The following GALNT3 variants were observed in gnomAD, a reference collection of about 807,000 sequenced individuals.
GALNT3 encodes GalNAc transferase 3.
GALNT3 carries 51 observed loss-of-function variants against 69.8 expected under a neutral mutation model. The ratio of observed to expected loss-of-function variants is 0.73; its 90% confidence interval spans 0.58 to 0.92. The LOEUF is 0.92. Ranked by LOEUF, GALNT3 falls within the 40% of genes least tolerant of loss-of-function variation. GALNT3 has a pLI of 0.00. For missense variants in GALNT3, 711 were observed against 760.0 expected, an observed-to-expected ratio of 0.94 and a Z score of 0.76; for synonymous variants, 265 against 248.5, an observed-to-expected ratio of 1.07 and a Z score of -0.63.
At position 165,770,278 on chromosome 2, in the gene GALNT3, C is replaced by T. The variant is rs745575585; in HGVS notation, c.423G>A (p.Lys141=). Residue 141 remains lysine, a synonymous_variant, in exon 2 of 11, where the codon AAG becomes AAA. Coordinates refer to ENST00000392701, the MANE Select transcript of GALNT3 (RefSeq NM_004482.4). ...AGCAGTGTTTAGCTTCCCCACGTTC[C>T]TTTTCCTTTTGCTCTTCAACACTTA... ...TNLSVEEQKE[K]ERGEAKHCFN... The T allele has an allele frequency of 1.2e-6, 2 of 1,614,142 alleles. No individual in the cohort carries two copies. Among genetic ancestry groups the T allele is most frequent in the East Asian group, 4.5e-5 (2 of 44,878 alleles).
chr2:165,791,775 A>G (rs942537601), intron 1 of GALNT3, among the ~76,000 whole-genome samples: 2 of 152,218 alleles, frequency 1.3e-5, no homozygotes, highest in African/African-American at 4.8e-5. Flanking sequence ...AATACCAAGA[A>G]GGAACTAAAA....
At chr2:165,768,631 A>T (rs1688690589) in intron 2 of GALNT3, among the ~76,000 whole-genome samples, 1 of 152,180 alleles carries the variant, frequency 6.6e-6, no homozygotes, top group Non-Finnish European at 1.5e-5. Context: ...GGACTCATAT[A>T]CTTGGATCCA....
intron 3 of GALNT3, among the ~76,000 whole-genome samples, chr2:165,762,403 T>C (rs1168118592): frequency 1.3e-5 from 2 of 151,982 alleles, no homozygotes; most frequent in Non-Finnish European, 2.9e-5. Flanking sequence ...ACTACAAGAG[T>C]GAAAGATATG....
intron 9 of GALNT3, 113 bp from the exon 10 acceptor site, chr2:165,750,007 A>G (rs1460591548): frequency 2.1e-6 from 2 of 945,286 alleles, no homozygotes; most frequent in Non-Finnish European, 3.4e-6. Flanking sequence ...TTTCAACAAA[A>G]TAATACAATA....
rs112704936 is a variant in GALNT3, at chr2:165,748,777, A to G, written c.*4T>C. ...TCCTTTTTCAACTTAATTTTAAGGAACACTTAATCATTTTGGCTAAGTATC... is the reference window on the plus strand; with the variant it reads ...TCCTTTTTCAACTTAATTTTAAGGAGCACTTAATCATTTTGGCTAAGTATC... On this transcript the variant is annotated 3_prime_UTR_variant, in exon 11 of 11. Transcript: ENST00000392701. 1 of 1,607,976 alleles carries G rather than the reference A, an allele frequency of 6.2e-7. No homozygotes were observed. Among genetic ancestry groups the G allele is most frequent in the Non-Finnish European group, 8.5e-7 (1 of 1,176,372 alleles).
At chr2:165,754,584 T>C in intron 9 of GALNT3, 43 bp downstream of exon 9, 3 of 1,386,448 alleles carry the variant, frequency 2.2e-6, no homozygotes, top group Non-Finnish European at 3.1e-6. Context: ...CACTTGTGCT[T>C]GTAAATGCTT....
At chr2:165,778,606 G>T (rs1471901580) in intron 1 of GALNT3, among the ~76,000 whole-genome samples, 1 of 152,076 alleles carries the variant, frequency 6.6e-6, no homozygotes, top group Non-Finnish European at 1.5e-5. Flanking sequence ...CTCTCACCAG[G>T]GCTGAGATCC....
At position 165,770,622 on chromosome 2, in the gene GALNT3, T is replaced by C. The variant is rs754721015; in HGVS notation, c.79A>G (p.Ile27Val). 2 of 1,601,998 alleles carry C rather than the reference T, an allele frequency of 1.2e-6. No individual in the cohort carries two copies. The highest frequency in any genetic ancestry group is 1.7e-6 in the Non-Finnish European group (2 of 1,175,848). ...HKKFWKLGAV[I>V]FFFIIVLVLM... The stretch of plus-strand genomic sequence containing the variant: ...ACCAAAACTATTATAAAGAAAAAAA[T>C]TACTGCACCAAGCTTCCAGAACTTT... Residue 27 changes from isoleucine (I) to valine (V), a missense_variant, in exon 2 of 11, where the codon ATT (isoleucine) becomes GTT (valine). Ile to Val is a conservative substitution (Grantham distance 29). Coordinates refer to ENST00000392701, the MANE Select transcript of GALNT3 (RefSeq NM_004482.4).
intron 9 of GALNT3, among the ~76,000 whole-genome samples, chr2:165,751,204 A>G (rs1041563573): frequency 4.9e-4 from 74 of 152,210 alleles, no homozygotes; most frequent in African/African-American, 1.6e-3. Flanking sequence ...AATTAGTAGG[A>G]GCACTAATAT....
chr2:165,770,098 T>TA, intron 2 of GALNT3, 88 bp downstream of exon 2: 3 of 1,500,566 alleles, frequency 2.0e-6, no homozygotes, highest in Non-Finnish European at 2.8e-6. Flanking sequence ...TTAGAGTAGC[T>TA]AAAAAACAGA....
intron 1 of GALNT3, among the ~76,000 whole-genome samples, chr2:165,783,447 A>G (rs1198087427): frequency 1.3e-5 from 2 of 152,168 alleles, no homozygotes; most frequent in Non-Finnish European, 2.9e-5. Context: ...TGCTTGCTCA[A>G]TTGTTATCAT....
In GALNT3 at chr2:165,770,398, A is replaced by G; in HGVS notation, c.303T>C (p.Tyr101=). The part of the protein sequence containing the change: ...DAGERPCLQG[Y]YTAAELKPVL... ...CAGGCTTCAATTCTGCTGCTGTATAATATCCTTGCAAACAAGGTCTCTCAC... is the reference window on the plus strand; with the variant it reads ...CAGGCTTCAATTCTGCTGCTGTATAGTATCCTTGCAAACAAGGTCTCTCAC... Residue 101 remains tyrosine (Y), a synonymous_variant, in exon 2 of 11, where the codon TAT becomes TAC. Transcript: ENST00000392701. 2 of 1,614,180 alleles carry G rather than the reference A, an allele frequency of 1.2e-6. No homozygotes were observed. The highest frequency in any genetic ancestry group is 1.7e-6 in the Non-Finnish European group (2 of 1,180,024).
At chr2:165,763,464 G>C (rs1214712707) in intron 3 of GALNT3, among the ~76,000 whole-genome samples, 3 of 152,108 alleles carry the variant, frequency 2.0e-5, no homozygotes, top group Admixed American at 6.5e-5. Flanking sequence ...CAGAGTAATA[G>C]ATTAACTTTT....
chr2:165,780,849 C>T (rs1683090955), intron 1 of GALNT3, among the ~76,000 whole-genome samples: 1 of 152,088 alleles, frequency 6.6e-6, no homozygotes, highest in African/African-American at 2.4e-5. Context: ...ACTATTTCCA[C>T]TCAATGATAT....
chr2:165,782,905 C>T (rs1683142271), intron 1 of GALNT3, among the ~76,000 whole-genome samples: 1 of 152,090 alleles, frequency 6.6e-6, no homozygotes, highest in Non-Finnish European at 1.5e-5. Flanking sequence ...TAGAGATTTT[C>T]CTATTATATA....
Position 165,756,902 on chromosome 2 carries a change from C to T in GALNT3, c.1392+145G>A. ...TTAGTTTTTTTCTTAAAAAAGGAAA[C>T]TTGGATTCATAAGTCATGTACTTTA... On this transcript the variant is annotated intron_variant, in intron 7 of 10. Coordinates refer to ENST00000392701, the MANE Select transcript of GALNT3 (RefSeq NM_004482.4). 6.4e-6 allele frequency: 4 copies of T among 624,718 alleles called. No individual in the cohort carries two copies. The South Asian group carries it at 8.2e-5, about 13-fold the overall frequency. The allele number at this position is 624,718 out of a possible 1,614,324, so 38.7% of individuals were successfully genotyped here. A position where few individuals can be genotyped will look rare whatever the true frequency, so the allele number is the denominator to read the frequency against.
At chr2:165,793,444 C>G (rs1328184191) in intron 1 of GALNT3, among the ~76,000 whole-genome samples, 1 of 152,168 alleles carries the variant, frequency 6.6e-6, no homozygotes, top group African/African-American at 2.4e-5. Flanking sequence ...AGAGGGGTGT[C>G]CGCGTCCCGG....
chr2:165,793,836 C>T (rs1405318758), intron 1 of GALNT3, 179 bp downstream of exon 1: 1 of 152,758 alleles, frequency 6.5e-6, no homozygotes, highest in Non-Finnish European at 1.5e-5. Context: ...CCCCTTGGCC[C>T]AGGGCGCCCC....
rs1688506196 is a variant in GALNT3 at position 165,759,520 on chromosome 2, T to G, written c.889A>C (p.Asn297His). 14 of 1,614,004 alleles carry G rather than the reference T, an allele frequency of 8.7e-6. No individual in the cohort carries two copies. The East Asian group carries it at 3.1e-4, about 36-fold the overall frequency. Reference sequence around the variant, plus strand: ...TCTGGACTTACGACAGCCGTGTAGTTCTCAGCTATTCTGGCCAACAGAGGT... The same window carrying G: ...TCTGGACTTACGACAGCCGTGTAGTGCTCAGCTATTCTGGCCAACAGAGGT... ...LEPLLARIAE[N>H]YTAVVSPDIA... Residue 297 changes from asparagine (N) to histidine (H), a missense_variant, in exon 5 of 11, where the codon AAC becomes CAC. Asn to His is a moderately conservative substitution (Grantham distance 68, BLOSUM62 1). Coordinates refer to ENST00000392701, the MANE Select transcript of GALNT3 (RefSeq NM_004482.4).
Sources: allele counts gnomAD v4.1 joint callset (sites outside exome capture counted in the v4.1 genomes callset), GRCh38; gene constraint gnomAD v4.1.1; transcripts MANE v1.5; gene names NCBI Gene and HGNC (gene_info 2026-07-23, HGNC 2026-07-21).